TBL2: variants seen among roughly 807,000 people sequenced by gnomAD.
TBL2 encodes transducin beta-like protein 2.
A neutral mutation model predicts 41.8 loss-of-function variants in TBL2; 33 were observed. That is an observed-to-expected ratio of 0.79 (90% CI 0.60 to 1.06). The LOEUF is 1.06. Ranked by LOEUF, TBL2 falls within the 50% of genes least tolerant of loss-of-function variation. The pLI, the probability that TBL2 is intolerant of heterozygous loss-of-function variation, is 0.00. For missense variants in TBL2, 522 were observed against 603.8 expected (o/e 0.86, Z 1.42); for synonymous variants, 239 against 241.7 (o/e 0.99, Z 0.10).
At position 73,571,247 on chromosome 7, in the gene TBL2, C is replaced by T. The variant is rs376845974; in HGVS notation, c.820G>A (p.Glu274Lys). The change falls in exon 6 of 7, where the codon GAA (glutamate) becomes AAA (lysine). Residue 274 changes from glutamate to lysine, a missense_variant. Glu to Lys is a moderately conservative substitution (Grantham distance 56, BLOSUM62 1). Transcript: ENST00000305632. ...GEFQEVVRAF[E>K]LKGHSAAVHS... ...ACAGCCGCGGAGTGGCCCTTTAGTT[C>T]GAAGGCTCGCACCACCTCCTGGAAC... 1.6e-5 allele frequency: 26 copies of T among 1,614,080 alleles called. No homozygotes were observed. Among genetic ancestry groups the T allele is most frequent in the Non-Finnish European group, 2.2e-5 (26 of 1,180,054 alleles).
rs1554586968 is a variant in TBL2, at chr7:73,570,049, T to C, written c.*458A>G. On this transcript the variant is annotated 3_prime_UTR_variant, in exon 7 of 7. Coordinates refer to ENST00000305632, the MANE Select transcript of TBL2 (RefSeq NM_012453.4). ...AGGCCCAGAAGGAAATCCCTTAGTG[T>C]CTTTTTGATGGAACACAGTTCTGTG... 1 of 156,122 alleles carries C rather than the reference T, an allele frequency of 6.4e-6. No individual in the cohort carries two copies. Among genetic ancestry groups the C allele is most frequent in the Non-Finnish European group, 1.4e-5 (1 of 70,790 alleles). The allele number at this position is 156,122 out of a possible 1,614,324, so 9.7% of individuals were successfully genotyped here.
rs782750805 is a variant in TBL2, at chr7:73,572,977, G to A, written c.599-7C>T. On this transcript the variant is annotated splice_region_variant and splice_polypyrimidine_tract_variant and intron_variant, in intron 4 of 6. Coordinates refer to ENST00000305632, the MANE Select transcript of TBL2 (RefSeq NM_012453.4). ...GCAGTCATGATAAACTTCCCTGAGC[G>A]GGAAGGGAGTGATGTGGGTCACGGG... 8.1e-6 allele frequency: 13 copies of A among 1,614,000 alleles called. No homozygotes were observed. Among genetic ancestry groups the A allele is most frequent in the South Asian group, 5.5e-5 (5 of 91,074 alleles).
In TBL2 at chr7:73,570,814, A is replaced by G; in HGVS notation, c.1037T>C (p.Leu346Ser). ...RLALSPNAQV[L>S]ALASGSSIHL... Reference sequence around the variant, plus strand: ...AATACTACTGCCACTGGCCAAGGCCAAGACCTGGGCGTTGGGGGAGAGGGC... The same window carrying G: ...AATACTACTGCCACTGGCCAAGGCCGAGACCTGGGCGTTGGGGGAGAGGGC... The change falls in exon 7 of 7, where the codon TTG becomes TCG. Residue 346 changes from leucine (L) to serine (S), a missense_variant. Physicochemically the swap from Leu to Ser is moderately radical, Grantham distance 145. Transcript: ENST00000305632. The G allele has an allele frequency of 6.2e-7, 1 of 1,614,028 alleles. No individual in the cohort carries two copies. The highest frequency in any genetic ancestry group is 8.5e-7 in the Non-Finnish European group (1 of 1,180,038).
chr7:73,576,702 C>G (rs1793343091), intron 1 of TBL2: 3 of 456,578 alleles, frequency 6.6e-6, no homozygotes, highest in Non-Finnish European at 8.8e-6. Flanking sequence ...CTCCTGGGCC[C>G]TGCAAACAAA....
In TBL2 at chr7:73,570,849, C is replaced by T. The variant is rs782702563; in HGVS notation, c.1002G>A (p.Pro334=). Residue 334 remains proline, a synonymous_variant, in exon 7 of 7, where the codon CCG becomes CCA. Transcript: ENST00000305632. Reference sequence around the variant, plus strand: ...CGTTGGGGGAGAGGGCCAGGCGGCACGGCGCGGCACCCGCCGCCTCTTCAA... The same window carrying T: ...CGTTGGGGGAGAGGGCCAGGCGGCATGGCGCGGCACCCGCCGCCTCTTCAA... ...GRFEEAAGAA[P]CRLALSPNAQ... 2.4e-5 allele frequency: 38 copies of T among 1,613,786 alleles called. No individual in the cohort carries two copies. Among genetic ancestry groups the T allele is most frequent in the Admixed American group, 2.3e-4 (14 of 60,032 alleles).
intron 1 of TBL2, among the ~76,000 whole-genome samples, chr7:73,576,149 G>A (rs1048553705): frequency 2.6e-5 from 4 of 151,936 alleles, no homozygotes; most frequent in Admixed American, 1.3e-4. Context: ...GAGGCCGGGT[G>A]CGGTGGCTCA....
chr7:73,570,543 T>C lies in TBL2; in HGVS notation c.1308A>G (p.Gln436=), dbSNP rs778318942. The C allele has an allele frequency of 8.3e-5, 133 of 1,595,474 alleles. No individual in the cohort carries two copies. Among genetic ancestry groups the C allele is most frequent in the Non-Finnish European group, 1.1e-4 (127 of 1,171,506 alleles). Residue 436 remains glutamine, a synonymous_variant, in exon 7 of 7, where the codon CAA becomes CAG. Coordinates refer to ENST00000305632, the MANE Select transcript of TBL2 (RefSeq NM_012453.4). Reference sequence around the variant, plus strand: ...GGGCACCCAGGCTCTTCAGGGTCTCTTGGGCCTGGGTCAGCTGCTGCTGCA... The same window carrying C: ...GGGCACCCAGGCTCTTCAGGGTCTCCTGGGCCTGGGTCAGCTGCTGCTGCA... The part of the protein sequence containing the change: ...QRLQQQLTQA[Q]ETLKSLGALK...
At chr7:73,573,110 C>T in intron 4 of TBL2, 140 bp from the exon 5 acceptor site, 6 of 1,412,144 alleles carry the variant, frequency 4.2e-6, no homozygotes, top group Admixed American at 2.2e-5. Flanking sequence ...AAGGACTCTG[C>T]TGAAGACTGT....
At chr7:73,575,766 G>A (rs1793273181) in intron 1 of TBL2, among the ~76,000 whole-genome samples, 1 of 152,200 alleles carries the variant, frequency 6.6e-6, no homozygotes, top group African/African-American at 2.4e-5. Context: ...GTTGAGAACT[G>A]GGGGCGGTGG....
rs1554586938 is a variant in TBL2 at position 73,569,891 on chromosome 7, C to G, written c.*616G>C. 6.6e-6 allele frequency: 1 copy of G among 152,244 alleles called. No individual in the cohort carries two copies. The highest frequency in any genetic ancestry group is 1.5e-5 in the Non-Finnish European group (1 of 68,050). The allele number at this position is 152,244 out of a possible 1,614,324, so 9.4% of individuals were successfully genotyped here. A position where few individuals can be genotyped will look rare whatever the true frequency, so the allele number is the denominator to read the frequency against. On this transcript the variant is annotated 3_prime_UTR_variant, in exon 7 of 7. Transcript: ENST00000305632. ...CACTGGTTCCCACTTTTACCACTTT[C>G]ATGACATTGGACAATAGTACTACTC...
intron 6 of TBL2, 75 bp from the exon 7 acceptor site, chr7:73,571,047 C>T: frequency 1.3e-6 from 2 of 1,565,906 alleles, no homozygotes; most frequent in Middle Eastern, 1.7e-4. Flanking sequence ...TTGAGCAGCT[C>T]CAGCTAGGAA....
intron 3 of TBL2, 109 bp downstream of exon 3, chr7:73,573,829 G>T: frequency 7.2e-7 from 1 of 1,379,832 alleles, no homozygotes; most frequent in South Asian, 1.4e-5. Flanking sequence ...GGCACCCCAA[G>T]GGAGGCCCTG....
chr7:73,576,796 C>A, intron 1 of TBL2: 1 of 437,090 alleles, frequency 2.3e-6, no homozygotes, highest in Non-Finnish European at 4.6e-6. Flanking sequence ...ATACCAAATG[C>A]TGTTTGGGGA....
Position 73,570,709 on chromosome 7 carries a change from A to C in TBL2, c.1142T>G (p.Phe381Cys). The change falls in exon 7 of 7, where the codon TTT becomes TGT. Residue 381 changes from phenylalanine (F) to cysteine (C), a missense_variant. Coordinates refer to ENST00000305632, the MANE Select transcript of TBL2 (RefSeq NM_012453.4). ...VHGECIANLS[F>C]DITGRFLASC... The stretch of plus-strand genomic sequence containing the variant: ...GGCCAGAAAGCGGCCAGTGATGTCA[A>C]AGGACAAGTTGGCGATACACTCGCC... 6.2e-7 allele frequency: 1 copy of C among 1,614,144 alleles called. No homozygotes were observed. The highest frequency in any genetic ancestry group is 8.5e-7 in the Non-Finnish European group (1 of 1,180,012).
chr7:73,572,797 G>A (rs781879803), intron 5 of TBL2, 47 bp downstream of exon 5: 1 of 1,612,916 alleles, frequency 6.2e-7, no homozygotes, highest in South Asian at 1.1e-5. Flanking sequence ...CTGCTCCCCA[G>A]CCCCAGCCTC....
At chr7:73,574,838 C>A (rs1249925491) in intron 1 of TBL2, 4 of 416,350 alleles carry the variant, frequency 9.6e-6, no homozygotes, top group Non-Finnish European at 1.8e-5. Context: ...AAAACAGAAA[C>A]AAAACAGAGG....
chr7:73,572,749 C>A, intron 5 of TBL2, 95 bp downstream of exon 5: 1 of 1,571,086 alleles, frequency 6.4e-7, no homozygotes, highest in South Asian at 1.2e-5. Flanking sequence ...ACCCCGTATG[C>A]TCTTCCCACG....
chr7:73,578,318 G>A, intron 1 of TBL2, 102 bp downstream of exon 1: 1 of 1,535,070 alleles, frequency 6.5e-7, no homozygotes, highest in Non-Finnish European at 8.7e-7. Flanking sequence ...CCATGGAGTC[G>A]CCGGGCCCCA....
At chr7:73,572,215 G>T (rs1563449201) in intron 5 of TBL2, among the ~76,000 whole-genome samples, 1 of 152,046 alleles carries the variant, frequency 6.6e-6, no homozygotes, top group African/African-American at 2.4e-5. Flanking sequence ...TTGGGAGGTC[G>T]AGGCAAGAGG....
Sources: allele counts gnomAD v4.1 joint callset (sites outside exome capture counted in the v4.1 genomes callset), GRCh38; gene constraint gnomAD v4.1.1; transcripts MANE v1.5; gene names NCBI Gene and HGNC (gene_info 2026-07-23, HGNC 2026-07-21).